The following CCDC171 variants were observed in gnomAD, a reference collection of about 807,000 sequenced individuals.
The protein encoded by CCDC171 is coiled-coil domain-containing protein 171.
CCDC171 carries 177 observed loss-of-function variants against 168.2 expected under a neutral mutation model. The observed-to-expected ratio is 1.05, with a 90% CI of 0.93 to 1.19. The LOEUF is 1.19. Ranked by LOEUF, CCDC171 falls within the 50% of genes most tolerant of loss-of-function variation. The probability of loss-of-function intolerance (pLI) is 0.00; values close to 1 mark genes in which losing one functional copy is unlikely to be tolerated. For synonymous variants in CCDC171, 687 were observed against 540.8 expected, an observed-to-expected ratio of 1.27 and a Z score of -3.75; for missense variants, 1,991 against 1,539.0, an observed-to-expected ratio of 1.29 and a Z score of -4.91.
At chr9:15,827,220 C>G (rs999260322) in intron 21 of CCDC171, among the ~76,000 whole-genome samples, 1 of 151,786 alleles carries the variant, frequency 6.6e-6, no homozygotes, top group Non-Finnish European at 1.5e-5. Flanking sequence ...CTTTTTTCTC[C>G]CTTGCAGGTA....
chr9:15,913,485 G>A (rs921632834), intron 24 of CCDC171, among the ~76,000 whole-genome samples: 1 of 152,070 alleles, frequency 6.6e-6, no homozygotes, highest in African/African-American at 2.4e-5. Context: ...AACAGCTCCT[G>A]GATTCATTGA....
chr9:16,087,376 T>C, the CCDC171 span, among the ~76,000 whole-genome samples: 3 of 152,154 alleles, frequency 2.0e-5, no homozygotes, highest in Admixed American at 6.5e-5. Flanking sequence ...AGTCTCTTTG[T>C]AGGTCTCTAA....
chr9:16,040,448 G>C (rs1833554640), upstream of CCDC171, among the ~76,000 whole-genome samples: 1 of 152,152 alleles, frequency 6.6e-6, no homozygotes, highest in Non-Finnish European at 1.5e-5. Context: ...TGCTCCAGCT[G>C]GGACGGCCCA....
At chr9:15,693,860 C>T (rs2051010179) in intron 10 of CCDC171, among the ~76,000 whole-genome samples, 1 of 152,144 alleles carries the variant, frequency 6.6e-6, no homozygotes. Flanking sequence ...CCCTTTATCT[C>T]ACCTTCCTTC....
At chr9:15,919,404 A>G (rs1824996595) in intron 24 of CCDC171, among the ~76,000 whole-genome samples, 1 of 151,726 alleles carries the variant, frequency 6.6e-6, no homozygotes, top group East Asian at 1.9e-4. Context: ...TGTAATTTGC[A>G]AATTCTCAGA....
intron 8 of CCDC171, among the ~76,000 whole-genome samples, chr9:15,665,363 A>C (rs1196791347): frequency 2.0e-5 from 3 of 152,044 alleles, no homozygotes; most frequent in African/African-American, 7.3e-5. Flanking sequence ...GTTTGACAAT[A>C]AGAAGATCAC....
intron 21 of CCDC171, among the ~76,000 whole-genome samples, chr9:15,823,966 A>G (rs1252766341): frequency 6.6e-6 from 1 of 152,110 alleles, no homozygotes; most frequent in African/African-American, 2.4e-5. Flanking sequence ...TTCTTGTCAT[A>G]TGTTGCCCAC....
intron 18 of CCDC171, among the ~76,000 whole-genome samples, chr9:15,752,589 G>A (rs548438829): frequency 6.6e-6 from 1 of 152,176 alleles, no homozygotes; most frequent in Non-Finnish European, 1.5e-5. Flanking sequence ...CATGTCCTTT[G>A]CAGGGTCATG....
chr9:16,092,413 C>G, the CCDC171 span, among the ~76,000 whole-genome samples: 2 of 152,112 alleles, frequency 1.3e-5, no homozygotes, highest in African/African-American at 4.8e-5. Context: ...GACAGAGTTG[C>G]TGAGATGCGC....
intron 3 of CCDC171, among the ~76,000 whole-genome samples, chr9:15,982,221 C>T (rs1831820369): frequency 6.6e-6 from 1 of 152,086 alleles, no homozygotes; most frequent in South Asian, 2.1e-4. Flanking sequence ...CTTCTGAGAA[C>T]TTCTCAGAAT....
chr9:15,906,703 T>A (rs908630015), intron 24 of CCDC171, among the ~76,000 whole-genome samples: 2 of 152,096 alleles, frequency 1.3e-5, no homozygotes, highest in African/African-American at 4.8e-5. Flanking sequence ...AAATAAAGGG[T>A]ATTCAATGAG....
At chr9:15,974,872 A>G (rs956819836), downstream of CCDC171, among the ~76,000 whole-genome samples, 5 of 152,114 alleles carry the variant, frequency 3.3e-5, no homozygotes, top group East Asian at 9.6e-4. Flanking sequence ...TTCATTTACC[A>G]GTTGTCTGAA....
At chr9:15,768,979 C>G (rs189737609) in intron 18 of CCDC171, among the ~76,000 whole-genome samples, 4 of 152,194 alleles carry the variant, frequency 2.6e-5, no homozygotes, top group Admixed American at 6.5e-5. Context: ...ACAGTCTCAC[C>G]TCCCAATGCT....
intron 10 of CCDC171, among the ~76,000 whole-genome samples, chr9:15,683,911 G>C (rs900057597): frequency 2.8e-4 from 43 of 151,994 alleles, no homozygotes; most frequent in African/African-American, 9.4e-4. Flanking sequence ...AGTAAAGAAG[G>C]GTAACATTTC....
At chr9:15,571,901 A>C (rs964525971) in intron 3 of CCDC171, 142 bp downstream of exon 3, 2 of 673,494 alleles carry the variant, frequency 3.0e-6, no homozygotes, top group Admixed American at 7.7e-5. Flanking sequence ...AGGAAACATA[A>C]TTTTAAAATG....
At chr9:15,717,475 G>T (rs563956760) in intron 11 of CCDC171, among the ~76,000 whole-genome samples, 1 of 152,284 alleles carries the variant, frequency 6.6e-6, no homozygotes, top group East Asian at 1.9e-4. Context: ...GACTTAGAGG[G>T]TATGTGACCT....
At chr9:15,755,669 C>T (rs2056062712) in intron 18 of CCDC171, among the ~76,000 whole-genome samples, 1 of 152,088 alleles carries the variant, frequency 6.6e-6, no homozygotes, top group Non-Finnish European at 1.5e-5. Flanking sequence ...TCCCTGAAGA[C>T]ATTATGTAGT....
At chr9:15,757,068 G>T (rs999340822) in intron 18 of CCDC171, among the ~76,000 whole-genome samples, 2 of 152,156 alleles carry the variant, frequency 1.3e-5, no homozygotes, top group African/African-American at 4.8e-5. Context: ...CAGTAGAGTG[G>T]GGCGTTGCTG....
At chr9:15,961,367 T>C (rs1830312748) in intron 25 of CCDC171, among the ~76,000 whole-genome samples, 1 of 152,166 alleles carries the variant, frequency 6.6e-6, no homozygotes, top group Admixed American at 6.5e-5. Context: ...GAGTGTGACA[T>C]GTGTACATTT....
Sources: gnomAD v4.1 joint callset for allele counts (sites outside exome capture counted in the v4.1 genomes callset) on GRCh38, gnomAD v4.1.1 for gene constraint, MANE v1.5 for transcripts, NCBI Gene and HGNC (gene_info 2026-07-23, HGNC 2026-07-21) for gene names.